The following XPNPEP3 variants were observed in gnomAD, a reference collection of about 807,000 sequenced individuals.
The protein encoded by XPNPEP3 is xaa-Pro aminopeptidase 3.
In XPNPEP3, 41 loss-of-function variants were observed where a neutral mutation model predicts 60.0. The observed-to-expected ratio is 0.68, with a 90% CI of 0.53 to 0.89. The LOEUF is 0.89. Ranked by LOEUF, XPNPEP3 falls within the 40% of genes least tolerant of loss-of-function variation. The pLI is 0.00. For synonymous variants in XPNPEP3, 212 were observed against 223.2 expected (o/e 0.95, Z 0.45); for missense variants, 598 against 638.9 (o/e 0.94, Z 0.69).
intron 1 of XPNPEP3, chr22:40,861,583 A>C (rs1401307171): frequency 3.7e-6 from 6 of 1,613,268 alleles, no homozygotes; most frequent in Non-Finnish European, 5.1e-6. Flanking sequence ...GCAGTGGAGA[A>C]AAAGTATCCT....
chr22:40,898,982 C>G (rs2058120639), intron 4 of XPNPEP3, among the ~76,000 whole-genome samples: 1 of 152,142 alleles, frequency 6.6e-6, no homozygotes, highest in Admixed American at 6.6e-5. Flanking sequence ...TTTTAATAAA[C>G]TAGGGGTTTC....
intron 6 of XPNPEP3, among the ~76,000 whole-genome samples, chr22:40,911,996 G>GA (rs1731866331): frequency 1.3e-5 from 2 of 152,202 alleles, no homozygotes; most frequent in African/African-American, 4.8e-5. Flanking sequence ...GGCAGTGTGA[G>GA]ATTCCAGCTG....
intron 2 of XPNPEP3, 135 bp from the exon 3 acceptor site, chr22:40,881,635 A>C: frequency 7.5e-6 from 8 of 1,068,998 alleles, no homozygotes; most frequent in Non-Finnish European, 1.1e-5. Flanking sequence ...TTATCTCCTT[A>C]ATTCTCCATG....
intron 8 of XPNPEP3, 90 bp from the exon 9 acceptor site, chr22:40,924,272 A>G: frequency 1.3e-6 from 2 of 1,569,468 alleles, no homozygotes; most frequent in Non-Finnish European, 1.8e-6. Context: ...TGGGGGAGAT[A>G]ATAACACATA....
intron 4 of XPNPEP3, 40 bp from the exon 5 acceptor site, chr22:40,907,547 A>C: frequency 6.3e-7 from 1 of 1,582,714 alleles, no homozygotes; most frequent in Non-Finnish European, 8.7e-7. Context: ...AGCAACATAG[A>C]ATGAGATCGT....
At chr22:40,861,336 G>A (rs749774490) in intron 1 of XPNPEP3, 1 of 1,614,122 alleles carries the variant, frequency 6.2e-7, no homozygotes, top group Non-Finnish European at 8.5e-7. Context: ...AAGAAAAAAT[G>A]TCAACTCTCC....
intron 2 of XPNPEP3, among the ~76,000 whole-genome samples, chr22:40,876,940 C>T (rs1381784456): frequency 6.6e-6 from 1 of 152,124 alleles, no homozygotes; most frequent in Non-Finnish European, 1.5e-5. Context: ...GTTCAGTGAG[C>T]TTTAACAAAG....
At chr22:40,864,559 C>G (rs917377921) in intron 1 of XPNPEP3, among the ~76,000 whole-genome samples, 4 of 152,134 alleles carry the variant, frequency 2.6e-5, no homozygotes, top group African/African-American at 9.7e-5. Context: ...CATTCTCCTG[C>G]CTCAGCCCGC....
chr22:40,899,229 GA>G (rs2058121703), intron 4 of XPNPEP3, among the ~76,000 whole-genome samples: 1 of 152,078 alleles, frequency 6.6e-6, no homozygotes. Context: ...TCAAAAAAAT[GA>G]TAGTAGCCCA....
chr22:40,920,797 GTT>G (rs777927682), intron 7 of XPNPEP3, among the ~76,000 whole-genome samples: 68 of 151,634 alleles, frequency 4.5e-4, no homozygotes, highest in Middle Eastern at 6.4e-3. Flanking sequence ...TTCTTTTTTT[GTT>G]TTGTTTTTTT....
At chr22:40,907,134 A>G (rs1195193935) in intron 4 of XPNPEP3, 1 of 456,406 alleles carries the variant, frequency 2.2e-6, no homozygotes, top group Non-Finnish European at 4.4e-6. Context: ...AGAAATCCGT[A>G]TTATTGGCCC....
intron 4 of XPNPEP3, among the ~76,000 whole-genome samples, chr22:40,903,659 T>C (rs1249757587): frequency 6.6e-6 from 1 of 151,962 alleles, no homozygotes; most frequent in East Asian, 1.9e-4. Context: ...CCGGCTAATT[T>C]TTGTATTTTT....
At position 40,926,584 on chromosome 22, in the gene XPNPEP3, G is replaced by T; in HGVS notation, c.*149G>T. 2 of 1,049,052 alleles carry T rather than the reference G, an allele frequency of 1.9e-6. No homozygotes were observed. Among genetic ancestry groups the T allele is most frequent in the East Asian group, 4.8e-5 (2 of 41,724 alleles). The allele number at this position is 1,049,052 out of a possible 1,614,324, so 65.0% of individuals were successfully genotyped here. On this transcript the variant is annotated 3_prime_UTR_variant, in exon 10 of 10. Coordinates refer to ENST00000357137, the MANE Select transcript of XPNPEP3 (RefSeq NM_022098.4). Reference sequence around the variant, plus strand: ...GCTGTGTGAATGTATGTAATTGTGTGTGGGGGGTTTTTTGTTTTAAGTAGT... The same window carrying T: ...GCTGTGTGAATGTATGTAATTGTGTTTGGGGGGTTTTTTGTTTTAAGTAGT...
chr22:40,866,553 C>G (rs1345876494), intron 1 of XPNPEP3, among the ~76,000 whole-genome samples: 2 of 152,124 alleles, frequency 1.3e-5, no homozygotes, highest in African/African-American at 4.8e-5. Context: ...CGGGGTTCTT[C>G]AAGTAGCTTA....
intron 1 of XPNPEP3, among the ~76,000 whole-genome samples, chr22:40,868,198 C>T (rs952248092): frequency 6.6e-6 from 1 of 152,238 alleles, no homozygotes; most frequent in African/African-American, 2.4e-5. Flanking sequence ...ATTATTTTAT[C>T]TAGCTCTGAC....
At chr22:40,861,271 G>T (rs377535546) in intron 1 of XPNPEP3, 1 of 1,614,130 alleles carries the variant, frequency 6.2e-7, no homozygotes, top group Admixed American at 1.7e-5. Flanking sequence ...TTGAATGACT[G>T]TGTTCTCCAG....
At chr22:40,876,407 G>T (rs574672324) in intron 2 of XPNPEP3, among the ~76,000 whole-genome samples, 1 of 152,288 alleles carries the variant, frequency 6.6e-6, no homozygotes, top group South Asian at 2.1e-4. Flanking sequence ...AGTGCTAAGT[G>T]TTACGTTTTA....
At chr22:40,861,020 AACAC>A (rs916818795) in intron 1 of XPNPEP3, 6 of 1,525,772 alleles carry the variant, frequency 3.9e-6, no homozygotes, top group Non-Finnish European at 4.4e-6. Flanking sequence ...GATTAACCAA[AACAC>A]ACACAATTGT....
chr22:40,915,166 T>TTCAGCCTC (rs1344588800), intron 7 of XPNPEP3, among the ~76,000 whole-genome samples: 1 of 151,404 alleles, frequency 6.6e-6, no homozygotes, highest in African/African-American at 2.4e-5. Flanking sequence ...ATTCTCCTGC[T>TTCAGCCTC]TCAGCCTCCC....
Sources: gnomAD v4.1 joint callset for allele counts (sites outside exome capture counted in the v4.1 genomes callset) on GRCh38, gnomAD v4.1.1 for gene constraint, MANE v1.5 for transcripts, NCBI Gene and HGNC (gene_info 2026-07-23, HGNC 2026-07-21) for gene names.